PIKFYVE: variants seen among roughly 807,000 people sequenced by gnomAD.
PIKFYVE encodes the protein phosphoinositide kinase, FYVE-type zinc finger containing, also known as 1-phosphatidylinositol 3-phosphate 5-kinase.
PIKFYVE carries 122 observed loss-of-function variants against 257.9 expected under a neutral mutation model. That is an observed-to-expected ratio of 0.47 (90% confidence interval 0.41 to 0.55). The LOEUF is 0.55. PIKFYVE is among the 20% of genes least tolerant of loss of function. The pLI, the probability that PIKFYVE is intolerant of heterozygous loss-of-function variation, is 0.00. For missense variants in PIKFYVE, 2,160 were observed against 2,536.6 expected (o/e 0.85, Z 3.19); for synonymous variants, 892 against 868.9 (o/e 1.03, Z -0.47).
chr2:208,353,790 G>A (rs749328262), intron 39 of PIKFYVE, 108 bp from the exon 40 acceptor site: 44 of 1,296,822 alleles, frequency 3.4e-5, no homozygotes, highest in Non-Finnish European at 3.8e-5. Flanking sequence ...TGGAGTGTGT[G>A]TAATGGTAGT....
At chr2:208,271,424 A>C (rs1689404164) in intron 1 of PIKFYVE, 87 bp from the exon 2 acceptor site, 1 of 1,254,044 alleles carries the variant, frequency 8.0e-7, no homozygotes, top group East Asian at 2.3e-5. Context: ...ACAGAATAGG[A>C]TTTTCTGGAT....
intron 18 of PIKFYVE, 96 bp from the exon 19 acceptor site, chr2:208,324,815 G>T: frequency 7.0e-7 from 1 of 1,422,936 alleles, no homozygotes; most frequent in Non-Finnish European, 9.7e-7. Context: ...ATTTGTGAAT[G>T]TTATTTTTTA....
chr2:208,276,632 G>A (rs1447444644), intron 3 of PIKFYVE, 80 bp from the exon 4 acceptor site: 1 of 1,003,648 alleles, frequency 1.0e-6, no homozygotes, highest in African/African-American at 1.6e-5. Flanking sequence ...ATAAGAGGCA[G>A]TTTCCATCAC....
intron 15 of PIKFYVE, among the ~76,000 whole-genome samples, chr2:208,317,619 A>C (rs79322049): frequency 3.9e-4 from 60 of 152,280 alleles, no homozygotes; most frequent in African/African-American, 1.4e-3. Flanking sequence ...ACATGGCACT[A>C]GTTTATTCAG....
At chr2:208,279,845 G>GA (rs1156830912) in intron 5 of PIKFYVE, among the ~76,000 whole-genome samples, 1 of 151,980 alleles carries the variant, frequency 6.6e-6, no homozygotes, top group Admixed American at 6.6e-5. Flanking sequence ...CATAGAATTA[G>GA]AAAAAACTAT....
intron 16 of PIKFYVE, among the ~76,000 whole-genome samples, chr2:208,319,014 C>T (rs1273076509): frequency 6.6e-6 from 1 of 150,864 alleles, no homozygotes; most frequent in Non-Finnish European, 1.5e-5. Context: ...TTGGTCCTTG[C>T]ATTTTGAGAT....
intron 3 of PIKFYVE, 109 bp downstream of exon 3, chr2:208,273,842 A>T: frequency 6.9e-7 from 1 of 1,441,790 alleles, no homozygotes; most frequent in East Asian, 2.3e-5. Flanking sequence ...TATTTGGAAT[A>T]GTAAGATACT....
intron 7 of PIKFYVE, among the ~76,000 whole-genome samples, chr2:208,289,302 GA>G (rs990277123): frequency 3.3e-5 from 5 of 152,060 alleles, no homozygotes; most frequent in Non-Finnish European, 5.9e-5. Context: ...TAATTGCTTT[GA>G]AAAAATGTCA....
At chr2:208,267,809 C>G (rs373679535) in intron 1 of PIKFYVE, among the ~76,000 whole-genome samples, 1 of 152,010 alleles carries the variant, frequency 6.6e-6, no homozygotes, top group East Asian at 1.9e-4. Context: ...GCGGGGGTCT[C>G]CCTCCCTCGC....
intron 1 of PIKFYVE, among the ~76,000 whole-genome samples, chr2:208,267,136 C>T (rs536235464): frequency 3.4e-4 from 52 of 152,340 alleles, no homozygotes; most frequent in African/African-American, 1.3e-3. Context: ...ATACATGATT[C>T]ATTATCTACT....
intron 22 of PIKFYVE, 31 bp from the exon 23 acceptor site, chr2:208,330,492 A>G: frequency 3.7e-6 from 6 of 1,613,306 alleles, no homozygotes; most frequent in East Asian, 2.2e-5. Context: ...TTTCATGCTT[A>G]ATGTGAGAAG....
rs141735651 is a variant in PIKFYVE, at chr2:208,325,683, C to T, written c.2872C>T (p.His958Tyr). The T allele has an allele frequency of 1.7e-5, 27 of 1,613,912 alleles. No homozygotes were observed. The African/African-American group carries it at 2.8e-4, about 17-fold the overall frequency. ...TGTTGCCTCTGTGAAGCATCAAGAA[C>T]ATAGCACAACAGCTTGCCCGGCGGG... is the stretch of plus-strand genomic sequence containing the variant. ...QAVASVKHQE[H>Y]STTACPAGLP... The change falls in exon 20 of 42, where the codon CAT (histidine) becomes TAT (tyrosine). Residue 958 changes from histidine to tyrosine, a missense_variant. Physicochemically the swap from His to Tyr is moderately conservative, Grantham distance 83. Around this residue, in one of 12 missense-constraint regions of PIKFYVE, gnomAD observed 522 missense variants for 514.6 expected, o/e 1.01. Transcript: ENST00000264380.
intron 2 of PIKFYVE, among the ~76,000 whole-genome samples, chr2:208,273,286 C>G (rs1689666785): frequency 6.6e-6 from 1 of 152,088 alleles, no homozygotes; most frequent in Non-Finnish European, 1.5e-5. Flanking sequence ...ATTTTGCCTC[C>G]TTCTTTGAAT....
At chr2:208,331,070 G>C (rs1282692097) in intron 23 of PIKFYVE, among the ~76,000 whole-genome samples, 1 of 152,082 alleles carries the variant, frequency 6.6e-6, no homozygotes, top group African/African-American at 2.4e-5. Flanking sequence ...GTTCTCTAGG[G>C]GAGGAGACAG....
chr2:208,276,886 A>G (rs1690179415), intron 4 of PIKFYVE, 56 bp downstream of exon 4: 3 of 1,420,418 alleles, frequency 2.1e-6, no homozygotes, highest in Admixed American at 1.8e-5. Context: ...GGATCATGCC[A>G]TACCTAATGA....
intron 20 of PIKFYVE, among the ~76,000 whole-genome samples, chr2:208,327,706 A>T (rs1381807660): frequency 6.6e-6 from 1 of 152,198 alleles, no homozygotes; most frequent in East Asian, 1.9e-4. Flanking sequence ...TGTGTATTTT[A>T]TGAACTTCTT....
chr2:208,354,060 C>T lies in PIKFYVE; in HGVS notation c.6007C>T (p.His2003Tyr), dbSNP rs1037119843. The T allele has an allele frequency of 6.2e-7, 1 of 1,613,978 alleles. No homozygotes were observed. The highest frequency in any genetic ancestry group is 2.2e-5 in the East Asian group (1 of 44,866). Residue 2003 changes from histidine (H) to tyrosine (Y), a missense_variant, in exon 40 of 42, where the codon CAT (histidine) becomes TAT (tyrosine). Around this residue, in one of 12 missense-constraint regions of PIKFYVE, gnomAD observed 699 missense variants for 855.8 expected, o/e 0.82. Transcript: ENST00000264380. ...CAAAGCTGTGCTGAGAACCTCGATCCATAGTGACTCCCATTTCCTTTCTAG... is the reference window on the plus strand; with the variant it reads ...CAAAGCTGTGCTGAGAACCTCGATCTATAGTGACTCCCATTTCCTTTCTAG... Reference protein sequence around the residue: ...HSKAVLRTSIHSDSHFLSSHL... With the variant: ...HSKAVLRTSIYSDSHFLSSHL...
At position 208,266,258 on chromosome 2, in the gene PIKFYVE, A is replaced by G. The variant is rs1363274085; in HGVS notation, c.-167A>G. On this transcript the variant is annotated 5_prime_UTR_variant, in exon 1 of 42. Transcript: ENST00000264380. ...CGGAGTCTTGGGGGGGGGAAGCGAG[A>G]AGCCGCATCAACCATGTAAGCAGCT... 6.6e-6 allele frequency: 1 copy of G among 152,194 alleles called. No individual in the cohort carries two copies. Among genetic ancestry groups the G allele is most frequent in the East Asian group, 1.9e-4 (1 of 5,188 alleles). The allele number at this position is 152,194 out of a possible 1,614,324, so 9.4% of individuals were successfully genotyped here. A position where few individuals can be genotyped will look rare whatever the true frequency, so the allele number is the denominator to read the frequency against.
At chr2:208,330,437 T>G in intron 22 of PIKFYVE, 86 bp from the exon 23 acceptor site, 2 of 1,487,564 alleles carry the variant, frequency 1.3e-6, no homozygotes, top group Non-Finnish European at 1.9e-6. Flanking sequence ...CTTGTGCAGA[T>G]TGTTCACTAG....
Sources: allele counts gnomAD v4.1 joint callset (sites outside exome capture counted in the v4.1 genomes callset), GRCh38; gene constraint gnomAD v4.1.1; regional missense constraint gnomAD v4.1.1; transcripts MANE v1.5; gene names NCBI Gene and HGNC (gene_info 2026-07-23, HGNC 2026-07-21).